The following KCNA3 variants were observed in gnomAD, a reference collection of about 807,000 sequenced individuals.
The protein encoded by KCNA3 is potassium voltage-gated channel subfamily A member 3.
Under a neutral mutation model 34.3 loss-of-function variants are expected in KCNA3, and 18 were observed. That is an observed-to-expected ratio of 0.52 (90% CI 0.36 to 0.78). The LOEUF is 0.78. KCNA3 is among the 30% of genes least tolerant of loss of function. The pLI, the probability that KCNA3 is intolerant of heterozygous loss-of-function variation, is 0.00. For synonymous variants in KCNA3, 324 were observed against 351.7 expected, an observed-to-expected ratio of 0.92 and a Z score of 0.88; for missense variants, 587 against 802.5, an observed-to-expected ratio of 0.73 and a Z score of 3.24.
the KCNA3 span, among the ~76,000 whole-genome samples, chr1:110,663,844 C>T: frequency 1.3e-5 from 2 of 152,180 alleles, no homozygotes; most frequent in African/African-American, 4.8e-5. Context: ...TCTTACTTTT[C>T]ATTAACTGAT....
At chr1:110,666,235 G>A in the KCNA3 span, among the ~76,000 whole-genome samples, 1 of 151,914 alleles carries the variant, frequency 6.6e-6, no homozygotes, top group Non-Finnish European at 1.5e-5. Flanking sequence ...TATAATCAAG[G>A]GCATCTTAAA....
At chr1:110,660,655 C>T in the KCNA3 span, among the ~76,000 whole-genome samples, 4 of 152,160 alleles carry the variant, frequency 2.6e-5, no homozygotes, top group African/African-American at 7.2e-5. Flanking sequence ...GAACTCTGCA[C>T]AGTTATGTAC....
At chr1:110,669,184 A>G (rs1238763663), downstream of KCNA3, among the ~76,000 whole-genome samples, 1 of 152,186 alleles carries the variant, frequency 6.6e-6, no homozygotes, top group East Asian at 1.9e-4. Context: ...AAATATTTAC[A>G]TGACTTTCTG....
At chr1:110,671,208 A>G (rs771841464), downstream of KCNA3, among the ~76,000 whole-genome samples, 6 of 152,244 alleles carry the variant, frequency 3.9e-5, no homozygotes, top group Non-Finnish European at 7.3e-5. Context: ...AAAGGAACGG[A>G]ATAATTTTCA....
the KCNA3 span, among the ~76,000 whole-genome samples, chr1:110,661,797 A>G: frequency 6.6e-6 from 1 of 152,132 alleles, no homozygotes; most frequent in African/African-American, 2.4e-5. Flanking sequence ...CAAAAATAAA[A>G]GTGATATCAG....
chr1:110,668,040 T>C (rs1436115470), downstream of KCNA3, among the ~76,000 whole-genome samples: 1 of 152,110 alleles, frequency 6.6e-6, no homozygotes, highest in East Asian at 1.9e-4. Flanking sequence ...TTCCTAAAGG[T>C]ATATAAAAAC....
In KCNA3 at chr1:110,674,845, C is replaced by T. The variant is rs562187641; in HGVS notation, c.-36G>A. On this transcript the variant is annotated 5_prime_UTR_variant, in exon 1 of 1. Coordinates refer to ENST00000369769, the MANE Select transcript of KCNA3 (RefSeq NM_002232.5). This position sits in a 1 kb window ranked among gnomAD's most constrained non-coding sequence, Gnocchi z 6.4. ...AGAGGCGGCAGCGGTGAGGCCAGGT[C>T]GCTCCTCCTCGCGCTCCCCGCCCTT... is the stretch of plus-strand genomic sequence containing the variant. 7.8e-7 allele frequency: 1 copy of T among 1,287,206 alleles called. No homozygotes were observed. The highest frequency in any genetic ancestry group is 3.2e-5 in the East Asian group (1 of 31,450). 79.7% of individuals were successfully genotyped at this position (1,287,206 alleles called of 1,614,324 possible). A position where few individuals can be genotyped will look rare whatever the true frequency, so the allele number is the denominator to read the frequency against.
chr1:110,657,037 T>A, the KCNA3 span: 1 of 147,836 alleles, frequency 6.8e-6, no homozygotes, highest in African/African-American at 2.5e-5. Flanking sequence ...TCTGGGTACT[T>A]AAGTTTTCTT....
At chr1:110,661,743 TC>T in the KCNA3 span, among the ~76,000 whole-genome samples, 1 of 152,144 alleles carries the variant, frequency 6.6e-6, no homozygotes, top group Non-Finnish European at 1.5e-5. Context: ...AAGCATGGCA[TC>T]CTAATAAAGT....
At chr1:110,657,380 A>G in the KCNA3 span, among the ~76,000 whole-genome samples, 6 of 152,088 alleles carry the variant, frequency 3.9e-5, no homozygotes, top group Non-Finnish European at 8.8e-5. Context: ...AAATGTGTAT[A>G]ATGAGAATTT....
At chr1:110,666,354 A>C in the KCNA3 span, among the ~76,000 whole-genome samples, 3 of 152,190 alleles carry the variant, frequency 2.0e-5, no homozygotes, top group South Asian at 6.2e-4. Flanking sequence ...GAGGAGAGAA[A>C]GAGGAGGCTG....
chr1:110,674,899 A>G lies in KCNA3; in HGVS notation c.-90T>C, dbSNP rs1006250070. On this transcript the variant is annotated 5_prime_UTR_variant, in exon 1 of 1. Transcript: ENST00000369769. The surrounding 1 kb of genome is among the most constrained non-coding windows in gnomAD (Gnocchi z 6.4). ...CCGCCTCCGCCCCCGAGCCGAGCCC[A>G]CCGCCTGTTGCAGCCAAAGCCGCGA... 228 of 1,265,926 alleles carry G rather than the reference A, an allele frequency of 1.8e-4. 1 individual carries two copies. In the East Asian group the frequency reaches 7.2e-3, roughly 40 times the overall value. 78.4% of individuals were successfully genotyped at this position (1,265,926 alleles called of 1,614,324 possible).
At chr1:110,665,881 G>A in the KCNA3 span, among the ~76,000 whole-genome samples, 5 of 152,126 alleles carry the variant, frequency 3.3e-5, no homozygotes, top group African/African-American at 9.7e-5. Flanking sequence ...ACTGGGTATC[G>A]TTATATGAGG....
Position 110,673,409 on chromosome 1 carries a change from G to T in KCNA3, c.1401C>A (p.Ala467=). 6.2e-7 allele frequency: 1 copy of T among 1,614,058 alleles called. No individual in the cohort carries two copies. Among genetic ancestry groups the T allele is most frequent in the Non-Finnish European group, 8.5e-7 (1 of 1,180,004 alleles). Residue 467 remains alanine (A), a synonymous_variant, in exon 1 of 1, where the codon GCC becomes GCA. Coordinates refer to ENST00000369769, the MANE Select transcript of KCNA3 (RefSeq NM_002232.5). This position sits in a 1 kb window ranked among gnomAD's most constrained non-coding sequence, Gnocchi z 8.8. ...GKIVGSLCAI[A]GVLTIALPVP... is the part of the protein sequence containing the mutation. ...CTGGCAATGCGATGGTCAAGACACC[G>T]GCGATGGCACAGAGAGATCCCACAA...
the KCNA3 span, chr1:110,655,140 G>A: frequency 2.6e-5 from 4 of 151,928 alleles, no homozygotes; most frequent in African/African-American, 9.7e-5. Context: ...TCCCTTGAAT[G>A]TGTATATATA....
In KCNA3 at chr1:110,674,110, G is replaced by A; in HGVS notation, c.700C>T (p.Arg234Trp). 1 of 1,610,902 alleles carries A rather than the reference G, an allele frequency of 6.2e-7. No homozygotes were observed. The highest frequency in any genetic ancestry group is 8.5e-7 in the Non-Finnish European group (1 of 1,178,578). The stretch of plus-strand genomic sequence containing the variant: ...AGCACGGACACGATGGCGATGCCCC[G>A]GGCCGGCCCGGAGCTCTCGGGGTAC... ...FEYPESSGPA[R>W]GIAIVSVLVI... Residue 234 changes from arginine to tryptophan, a missense_variant, in exon 1 of 1, where the codon CGG becomes TGG. Physicochemically the swap from Arg to Trp is moderately radical, Grantham distance 101. Transcript: ENST00000369769. The surrounding 1 kb of genome is among the most constrained non-coding windows in gnomAD (Gnocchi z 6.4).
the KCNA3 span, among the ~76,000 whole-genome samples, chr1:110,657,436 T>G: frequency 6.6e-6 from 1 of 152,146 alleles, no homozygotes; most frequent in East Asian, 1.9e-4. Flanking sequence ...AGCACGCCCA[T>G]CTTGCAATTC....
At chr1:110,671,647 G>A (rs1394947731), downstream of KCNA3, among the ~76,000 whole-genome samples, 1 of 152,024 alleles carries the variant, frequency 6.6e-6, no homozygotes, top group Non-Finnish European at 1.5e-5. Context: ...CAAGTGCTGT[G>A]ATGATGACAG....
chr1:110,664,866 T>C, the KCNA3 span, among the ~76,000 whole-genome samples: 1 of 152,216 alleles, frequency 6.6e-6, no homozygotes, highest in African/African-American at 2.4e-5. Flanking sequence ...ATGTGAAAGT[T>C]GCACCTGAAG....
Sources: allele counts gnomAD v4.1 joint callset (sites outside exome capture counted in the v4.1 genomes callset), GRCh38; gene constraint gnomAD v4.1.1; non-coding constraint Gnocchi (gnomAD v3.1); transcripts MANE v1.5; gene names NCBI Gene and HGNC (gene_info 2026-07-23, HGNC 2026-07-21).